Variants in MECOM observed in about 807,000 individuals in gnomAD.
MECOM encodes histone-lysine N-methyltransferase MECOM.
In MECOM, 13 loss-of-function variants were observed where a neutral mutation model predicts 116.3. The ratio of observed to expected loss-of-function variants is 0.11; its 90% CI spans 0.07 to 0.18. The LOEUF is 0.18. MECOM is among the 10% of genes least tolerant of loss of function. The probability of loss-of-function intolerance (pLI) is 1.00; values close to 1 mark genes in which losing one functional copy is unlikely to be tolerated. For missense variants in MECOM, 1,299 were observed against 1,509.0 expected (o/e 0.86, Z 2.31); for synonymous variants, 528 against 535.2 (o/e 0.99, Z 0.19).
intron 1 of MECOM, among the ~76,000 whole-genome samples, chr3:169,547,890 A>C (rs1382363141): frequency 1.3e-5 from 2 of 152,114 alleles, no homozygotes; most frequent in African/African-American, 4.8e-5. Flanking sequence ...AGCCACCAAA[A>C]GCCATTAATA....
rs780473763 is a variant in MECOM at position 169,112,843 on chromosome 3, C to G, written c.2521G>C (p.Glu841Gln). 7 of 1,612,876 alleles carry G rather than the reference C, an allele frequency of 4.3e-6. No homozygotes were observed. The highest frequency in any genetic ancestry group is 1.3e-5 in the African/African-American group (1 of 74,850). Residue 841 changes from glutamate (E) to glutamine (Q), a missense_variant, in exon 9 of 17, where the codon GAA becomes CAA. By Grantham distance (29) the Glu-to-Gln change is conservative. Coordinates refer to ENST00000651503, the MANE Select transcript of MECOM (RefSeq NM_004991.4). ...VEKRKLTDPL[E>Q]ALKEKYLRPS... ...CTCAAGTATTTCTCTTTTAAAGCTT[C>G]AAGTGGGTCAGTTAGTTTTCTTTTC...
At chr3:169,086,196 G>A (rs1717675625) in intron 16 of MECOM, among the ~76,000 whole-genome samples, 1 of 152,006 alleles carries the variant, frequency 6.6e-6, no homozygotes, top group Non-Finnish European at 1.5e-5. Context: ...TTTGCCTTTT[G>A]GACTTCTACA....
intron 1 of MECOM, among the ~76,000 whole-genome samples, chr3:169,606,149 C>G (rs149503687): frequency 3.1e-4 from 47 of 152,254 alleles, no homozygotes; most frequent in African/African-American, 1.0e-3. Context: ...CGGTGGCTCA[C>G]GCCTGTAATC....
Position 169,652,573 on chromosome 3 carries a change from A to T in MECOM, c.37+10763T>A, listed in dbSNP as rs535673144. Among the ~76,000 whole-genome samples, 28 of 152,274 alleles carry T rather than the reference A, an allele frequency of 1.8e-4. No homozygotes were observed. The East Asian group carries it at 5.0e-3, about 27-fold the overall frequency. On this transcript the variant is annotated intron_variant, in intron 1 of 16. Transcript: ENST00000651503. ...AGACAGTCCTATTTTCTCTATAGAGATGGTTGATTTGTGAAATGACAGATG... is the reference window on the plus strand; with the variant it reads ...AGACAGTCCTATTTTCTCTATAGAGTTGGTTGATTTGTGAAATGACAGATG...
intron 2 of MECOM, among the ~76,000 whole-genome samples, chr3:169,266,665 C>T (rs1433525158): frequency 6.6e-6 from 1 of 152,150 alleles, no homozygotes; most frequent in Non-Finnish European, 1.5e-5. Flanking sequence ...TCCCATATTA[C>T]ATTTGGTCTT....
intron 1 of MECOM, among the ~76,000 whole-genome samples, chr3:169,606,505 G>A (rs1768577452): frequency 6.6e-6 from 1 of 152,122 alleles, no homozygotes; most frequent in African/African-American, 2.4e-5. Flanking sequence ...GCCAGCCTAT[G>A]TTTGGTGTTT....
intron 2 of MECOM, among the ~76,000 whole-genome samples, chr3:169,242,655 A>G (rs969517353): frequency 6.6e-6 from 1 of 152,086 alleles, no homozygotes; most frequent in Non-Finnish European, 1.5e-5. Flanking sequence ...GACGAAACCA[A>G]GAGTGAGCAG....
intron 2 of MECOM, among the ~76,000 whole-genome samples, chr3:169,229,778 T>C (rs1753157793): frequency 6.6e-6 from 1 of 152,166 alleles, no homozygotes; most frequent in African/African-American, 2.4e-5. Flanking sequence ...TATTATGCTT[T>C]AAAACACACT....
chr3:169,188,573 C>T (rs896430951), intron 2 of MECOM, among the ~76,000 whole-genome samples: 1 of 151,966 alleles, frequency 6.6e-6, no homozygotes, highest in African/African-American at 2.4e-5. Flanking sequence ...GGGAGTATTT[C>T]CGTATAGCCT....
intron 1 of MECOM, among the ~76,000 whole-genome samples, chr3:169,475,809 G>A (rs750276497): frequency 6.6e-6 from 1 of 152,044 alleles, no homozygotes; most frequent in Non-Finnish European, 1.5e-5. Flanking sequence ...AAACGACAAA[G>A]GTATTTTGAA....
intron 1 of MECOM, among the ~76,000 whole-genome samples, chr3:169,602,197 G>A (rs1767916090): frequency 1.3e-5 from 2 of 152,146 alleles, no homozygotes; most frequent in African/African-American, 4.8e-5. Flanking sequence ...TTTGGTAGAT[G>A]GATATGGCAC....
At chr3:169,093,498 T>TTTTA (rs1462095781) in intron 13 of MECOM, among the ~76,000 whole-genome samples, 8 of 152,196 alleles carry the variant, frequency 5.3e-5, no homozygotes, top group Admixed American at 1.3e-4. Context: ...CAACATGCCT[T>TTTTA]TTTATTTATT....
At chr3:169,552,678 A>T (rs1488072163) in intron 1 of MECOM, among the ~76,000 whole-genome samples, 1 of 152,102 alleles carries the variant, frequency 6.6e-6, no homozygotes, top group East Asian at 1.9e-4. Flanking sequence ...CCTTTAATGC[A>T]AATAGGAAAA....
At chr3:169,601,736 A>T (rs916520737) in intron 1 of MECOM, among the ~76,000 whole-genome samples, 6 of 152,210 alleles carry the variant, frequency 3.9e-5, no homozygotes, top group African/African-American at 1.4e-4. Context: ...CAAAAGAAAG[A>T]ATCACATAAA....
At chr3:169,422,043 C>T (rs746386819) in intron 1 of MECOM, among the ~76,000 whole-genome samples, 2 of 152,012 alleles carry the variant, frequency 1.3e-5, no homozygotes, top group Non-Finnish European at 2.9e-5. Flanking sequence ...AAACAAATAA[C>T]AATTGTAAGT....
At chr3:169,317,509 G>C (rs1172071401) in intron 2 of MECOM, among the ~76,000 whole-genome samples, 1 of 152,166 alleles carries the variant, frequency 6.6e-6, no homozygotes, top group African/African-American at 2.4e-5. Context: ...AGAGATGTAA[G>C]GTCATTCATA....
At chr3:169,300,528 T>G (rs995743602) in intron 2 of MECOM, among the ~76,000 whole-genome samples, 1 of 152,236 alleles carries the variant, frequency 6.6e-6, no homozygotes, top group Non-Finnish European at 1.5e-5. Flanking sequence ...AGACTCATAG[T>G]CTTAATTTCA....
chr3:169,303,560 A>T (rs558968321), intron 2 of MECOM, among the ~76,000 whole-genome samples: 27 of 152,338 alleles, frequency 1.8e-4, no homozygotes, highest in African/African-American at 6.5e-4. Flanking sequence ...AATCCATGTG[A>T]AACAAACCAC....
chr3:169,465,761 A>T (rs1748207407), intron 1 of MECOM, among the ~76,000 whole-genome samples: 1 of 152,238 alleles, frequency 6.6e-6, no homozygotes, highest in South Asian at 2.1e-4. Context: ...TAGAAAATTC[A>T]ATCTTGGAGA....
Sources: gnomAD v4.1 joint callset for allele counts (sites outside exome capture counted in the v4.1 genomes callset) on GRCh38, gnomAD v4.1.1 for gene constraint, MANE v1.5 for transcripts, NCBI Gene and HGNC (gene_info 2026-07-23, HGNC 2026-07-21) for gene names.